CRISPLD2: variants seen among roughly 807,000 people sequenced by gnomAD.
The protein encoded by CRISPLD2 is cysteine rich secretory protein LCCL domain containing 2.
Under a neutral mutation model 71.1 loss-of-function variants are expected in CRISPLD2, and 47 were observed. The observed-to-expected ratio is 0.66, with a 90% confidence interval of 0.52 to 0.84. The LOEUF (loss-of-function observed/expected upper bound fraction) is 0.84. Ranked by LOEUF, CRISPLD2 falls within the 40% of genes least tolerant of loss-of-function variation. CRISPLD2 has a pLI of 0.00. For synonymous variants in CRISPLD2, 317 were observed against 250.1 expected, an observed-to-expected ratio of 1.27 and a Z score of -2.52; for missense variants, 830 against 651.1, an observed-to-expected ratio of 1.27 and a Z score of -2.99.
At chr16:84,868,803 C>T in intron 7 of CRISPLD2, 48 bp from the exon 8 acceptor site, 1 of 1,492,608 alleles carries the variant, frequency 6.7e-7, no homozygotes, top group East Asian at 2.3e-5. Context: ...GGTCTTCTCA[C>T]CCTCCTGGTT....
At chr16:84,890,193 A>C (rs1004287843) in intron 14 of CRISPLD2, among the ~76,000 whole-genome samples, 14 of 151,892 alleles carry the variant, frequency 9.2e-5, no homozygotes, top group African/African-American at 3.1e-4. Context: ...CCCCGTCTCT[A>C]CTAAAAATAC....
intron 1 of CRISPLD2, among the ~76,000 whole-genome samples, chr16:84,834,655 G>A (rs902703954): frequency 6.6e-6 from 1 of 152,184 alleles, no homozygotes; most frequent in Non-Finnish European, 1.5e-5. Flanking sequence ...CTGTTAAGCC[G>A]GCTACAGCAA....
At chr16:84,826,600 C>G (rs1023935081) in intron 1 of CRISPLD2, among the ~76,000 whole-genome samples, 1 of 152,056 alleles carries the variant, frequency 6.6e-6, no homozygotes, top group Non-Finnish European at 1.5e-5. Flanking sequence ...GTCCGTTCGC[C>G]CCGGGAGGGA....
At chr16:84,873,303 G>C (rs2934489) in intron 10 of CRISPLD2, 181 bp downstream of exon 10, 220,866 of 556,780 alleles carry the variant, frequency 0.4, 48,660 homozygotes, top group African/African-American at 0.75. Flanking sequence ...CATGGTGAAA[G>C]TCCGTCTCTA....
intron 14 of CRISPLD2, among the ~76,000 whole-genome samples, chr16:84,904,726 A>T (rs1473628891): frequency 1.3e-5 from 2 of 152,236 alleles, no homozygotes; most frequent in Non-Finnish European, 2.9e-5. Context: ...TAATTTCTCA[A>T]CAAATGATGC....
chr16:84,887,751 C>A (rs561252175), intron 13 of CRISPLD2, among the ~76,000 whole-genome samples: 2 of 152,264 alleles, frequency 1.3e-5, no homozygotes, highest in South Asian at 4.2e-4. Flanking sequence ...TGGTGCGTGC[C>A]TGTAATCCCA....
At chr16:84,837,855 C>T (rs974328078) in intron 1 of CRISPLD2, among the ~76,000 whole-genome samples, 2 of 152,184 alleles carry the variant, frequency 1.3e-5, no homozygotes, top group African/African-American at 2.4e-5. Flanking sequence ...AAGGCTGAGG[C>T]CTTGGCTGGA....
intron 6 of CRISPLD2, among the ~76,000 whole-genome samples, chr16:84,856,617 T>C (rs368156286): frequency 3.5e-4 from 54 of 152,276 alleles, no homozygotes; most frequent in African/African-American, 1.2e-3. Context: ...CTCGTGAATA[T>C]TGGCTATGGG....
intron 13 of CRISPLD2, 47 bp downstream of exon 13, chr16:84,880,631 G>C: frequency 6.8e-7 from 1 of 1,469,120 alleles, no homozygotes; most frequent in Non-Finnish European, 9.5e-7. Flanking sequence ...GCCTGTTAAA[G>C]ACCTCAACAT....
intron 2 of CRISPLD2, 34 bp downstream of exon 2, chr16:84,838,769 C>T (rs753076939): frequency 1.4e-5 from 23 of 1,589,878 alleles, no homozygotes; most frequent in Middle Eastern, 3.5e-4. Context: ...AGGCTGGCAC[C>T]GGGGGTGGGG....
intron 13 of CRISPLD2, among the ~76,000 whole-genome samples, chr16:84,886,425 G>A (rs781107095): frequency 1.3e-5 from 2 of 152,188 alleles, no homozygotes; most frequent in Non-Finnish European, 2.9e-5. Flanking sequence ...ACTGTGCCAG[G>A]GATGGTGGTG....
Position 84,872,528 on chromosome 16 carries a change from C to G in CRISPLD2, c.981+20C>G, listed in dbSNP as rs368558267. ...GAAAGCGTGAGTGTGGCCAGTCCTC[C>G]TCTCAATGGCTTGTGTGGGATCCTG... On this transcript the variant is annotated intron_variant, in intron 9 of 14. Coordinates refer to ENST00000262424, the MANE Select transcript of CRISPLD2 (RefSeq NM_031476.4). The G allele has an allele frequency of 2.5e-6, 4 of 1,595,958 alleles. No homozygotes were observed. The highest frequency in any genetic ancestry group is 3.4e-6 in the Non-Finnish European group (4 of 1,165,626).
intron 14 of CRISPLD2, among the ~76,000 whole-genome samples, chr16:84,890,772 G>A (rs1288057993): frequency 6.6e-6 from 1 of 152,060 alleles, no homozygotes; most frequent in African/African-American, 2.4e-5. Flanking sequence ...TCCAGCCTGG[G>A]CAACAAGAGC....
At chr16:84,894,896 G>A (rs571051984) in intron 14 of CRISPLD2, among the ~76,000 whole-genome samples, 1 of 151,962 alleles carries the variant, frequency 6.6e-6, no homozygotes, top group African/African-American at 2.4e-5. Flanking sequence ...AGGGTCAGGT[G>A]ACTGAAGATC....
chr16:84,868,992 A>G (rs944473176), intron 8 of CRISPLD2, 81 bp downstream of exon 8: 37 of 1,234,728 alleles, frequency 3.0e-5, no homozygotes, highest in Middle Eastern at 2.0e-4. Context: ...CTCTGGGCCT[A>G]TGCTGGGCTG....
At chr16:84,823,939 A>G (rs972910115) in intron 1 of CRISPLD2, among the ~76,000 whole-genome samples, 6 of 152,322 alleles carry the variant, frequency 3.9e-5, no homozygotes, top group Admixed American at 3.3e-4. Flanking sequence ...TTTGCTTGTA[A>G]TCAAGTGAGC....
intron 11 of CRISPLD2, among the ~76,000 whole-genome samples, chr16:84,874,253 G>A (rs2071499918): frequency 6.6e-6 from 1 of 152,154 alleles, no homozygotes; most frequent in Non-Finnish European, 1.5e-5. Flanking sequence ...GGTTTCACTG[G>A]GAGTGCCACT....
At chr16:84,858,516 A>T (rs1917300054) in intron 6 of CRISPLD2, among the ~76,000 whole-genome samples, 1 of 152,228 alleles carries the variant, frequency 6.6e-6, no homozygotes, top group South Asian at 2.1e-4. Context: ...CCTGAATTTT[A>T]GTCAAATTTA....
rs1452079234 is a variant in CRISPLD2, at chr16:84,873,206, G to A, written c.1112+84G>A. 1.1e-5 allele frequency: 17 copies of A among 1,515,646 alleles called. No individual in the cohort carries two copies. The East Asian group carries it at 3.6e-4, about 32-fold the overall frequency. 93.9% of individuals were successfully genotyped at this position (1,515,646 alleles called of 1,614,324 possible). On this transcript the variant is annotated intron_variant, in intron 10 of 14. Coordinates refer to ENST00000262424, the MANE Select transcript of CRISPLD2 (RefSeq NM_031476.4). ...TGAAATTTTGAAAAATACCACACAG[G>A]CCGGGCGTGGTGGCTCACACCTGCA...
Sources: gnomAD v4.1 joint callset for allele counts (sites outside exome capture counted in the v4.1 genomes callset) on GRCh38, gnomAD v4.1.1 for gene constraint, MANE v1.5 for transcripts, NCBI Gene and HGNC (gene_info 2026-07-23, HGNC 2026-07-21) for gene names.